Variants in MECOM observed in about 807,000 individuals in gnomAD.
The protein encoded by MECOM is histone-lysine N-methyltransferase MECOM.
Under a neutral mutation model 116.3 loss-of-function variants are expected in MECOM, and 13 were observed. That is an observed-to-expected ratio of 0.11 (90% confidence interval 0.07 to 0.18). MECOM has a LOEUF of 0.18. Ranked by LOEUF, MECOM falls within the 10% of genes least tolerant of loss-of-function variation. MECOM has a pLI of 1.00. For synonymous variants in MECOM, 528 were observed against 535.2 expected (o/e 0.99, Z 0.19); for missense variants, 1,299 against 1,509.0 (o/e 0.86, Z 2.31).
intron 1 of MECOM, among the ~76,000 whole-genome samples, chr3:169,647,879 T>A (rs1774376853): frequency 6.6e-6 from 1 of 152,142 alleles, no homozygotes; most frequent in South Asian, 2.1e-4. Flanking sequence ...ACCATACTGA[T>A]GAGTAGCAAA....
intron 2 of MECOM, among the ~76,000 whole-genome samples, chr3:169,362,540 G>C (rs1235106002): frequency 6.6e-6 from 1 of 151,868 alleles, no homozygotes; most frequent in Non-Finnish European, 1.5e-5. Context: ...CACATGAATG[G>C]CCAGATTGTT....
At chr3:169,485,086 C>G (rs1030609126) in intron 1 of MECOM, among the ~76,000 whole-genome samples, 1 of 152,118 alleles carries the variant, frequency 6.6e-6, no homozygotes, top group African/African-American at 2.4e-5. Context: ...CCTCCACCCC[C>G]TGGGTTCAAG....
At chr3:169,431,728 T>G (rs1741670186) in intron 1 of MECOM, among the ~76,000 whole-genome samples, 1 of 152,210 alleles carries the variant, frequency 6.6e-6, no homozygotes, top group African/African-American at 2.4e-5. Flanking sequence ...GATTTTTAGA[T>G]TCTCCTGTTT....
intron 3 of MECOM, among the ~76,000 whole-genome samples, chr3:169,141,273 C>T (rs766040800): frequency 6.6e-6 from 1 of 151,896 alleles, no homozygotes; most frequent in South Asian, 2.1e-4. Context: ...AAACTTTATC[C>T]GTATCTAAAA....
chr3:169,133,264 GA>G (rs1479723224), intron 3 of MECOM: 2 of 152,092 alleles, frequency 1.3e-5, no homozygotes, highest in East Asian at 3.8e-4. Flanking sequence ...TGCATAAGTT[GA>G]TGTCTTATAA....
At chr3:169,123,572 T>C (rs1188392536) in intron 5 of MECOM, among the ~76,000 whole-genome samples, 2 of 152,026 alleles carry the variant, frequency 1.3e-5, no homozygotes, top group Non-Finnish European at 2.9e-5. Flanking sequence ...TTATAGATAA[T>C]GGATTATGTG....
At chr3:169,623,843 GTCT>G (rs1296759112) in intron 1 of MECOM, 4 of 151,326 alleles carry the variant, frequency 2.6e-5, no homozygotes, top group Non-Finnish European at 5.9e-5. Context: ...AGACACACTG[GTCT>G]TCTTCTGATC....
At chr3:169,315,936 G>C (rs1719668246) in intron 2 of MECOM, among the ~76,000 whole-genome samples, 1 of 152,076 alleles carries the variant, frequency 6.6e-6, no homozygotes, top group African/African-American at 2.4e-5. Context: ...AGTCAAATAT[G>C]AGCCTAAATA....
intron 2 of MECOM, among the ~76,000 whole-genome samples, chr3:169,201,948 C>T (rs1053281103): frequency 6.6e-6 from 1 of 151,982 alleles, no homozygotes; most frequent in African/African-American, 2.4e-5. Context: ...GTGTATTCTC[C>T]CAAGAAAGAA....
intron 2 of MECOM, among the ~76,000 whole-genome samples, chr3:169,304,454 A>C (rs1480687385): frequency 6.6e-6 from 1 of 152,186 alleles, no homozygotes; most frequent in Non-Finnish European, 1.5e-5. Flanking sequence ...ATAAAAATAT[A>C]AATTTAATTT....
At chr3:169,147,908 G>A (rs1462036219) in intron 2 of MECOM, among the ~76,000 whole-genome samples, 2 of 151,834 alleles carry the variant, frequency 1.3e-5, no homozygotes, top group African/African-American at 4.8e-5. Context: ...AAAGCTTAGG[G>A]TATAGGGACG....
chr3:169,506,428 A>C (rs565232042), intron 1 of MECOM, among the ~76,000 whole-genome samples: 3 of 151,234 alleles, frequency 2.0e-5, no homozygotes, highest in Non-Finnish European at 4.4e-5. Flanking sequence ...TCTTGACTTC[A>C]TCATTCTTGG....
intron 2 of MECOM, among the ~76,000 whole-genome samples, chr3:169,260,528 G>A (rs1398335367): frequency 3.3e-5 from 5 of 150,986 alleles, no homozygotes; most frequent in Non-Finnish European, 5.9e-5. Context: ...TTAAATCTGC[G>A]AAAAGTAAGC....
intron 5 of MECOM, among the ~76,000 whole-genome samples, chr3:169,125,394 A>G (rs1732493788): frequency 6.6e-6 from 1 of 152,084 alleles, no homozygotes; most frequent in African/African-American, 2.4e-5. Flanking sequence ...TATATATTCT[A>G]CTATGCTATA....
At chr3:169,493,685 A>G (rs1009111484) in intron 1 of MECOM, among the ~76,000 whole-genome samples, 1 of 152,182 alleles carries the variant, frequency 6.6e-6, no homozygotes, top group East Asian at 1.9e-4. Flanking sequence ...GACTCTGCAT[A>G]TAATGCTGTG....
At chr3:169,146,917 G>A in intron 2 of MECOM, 1 of 1,026,512 alleles carries the variant, frequency 9.7e-7, no homozygotes, top group Non-Finnish European at 1.2e-6. Context: ...TTCCAAATGG[G>A]TCTCTGACAA....
chr3:169,418,705 G>A (rs1386870908), intron 1 of MECOM, among the ~76,000 whole-genome samples: 2 of 151,946 alleles, frequency 1.3e-5, no homozygotes, highest in African/African-American at 4.8e-5. Context: ...ACCCCTTCAC[G>A]ATAAAAACAC....
chr3:169,464,340 A>G (rs1003798299), intron 1 of MECOM, among the ~76,000 whole-genome samples: 4 of 152,196 alleles, frequency 2.6e-5, no homozygotes, highest in East Asian at 1.9e-4. Flanking sequence ...AATGTAAAAC[A>G]TATCTCTGTG....
At chr3:169,274,924 T>C (rs1759403140) in intron 2 of MECOM, among the ~76,000 whole-genome samples, 2 of 152,080 alleles carry the variant, frequency 1.3e-5, no homozygotes, top group Admixed American at 6.6e-5. Context: ...AAGGCATCAC[T>C]CCATAAAAGT....
Sources: allele counts gnomAD v4.1 joint callset (sites outside exome capture counted in the v4.1 genomes callset), GRCh38; gene constraint gnomAD v4.1.1; transcripts MANE v1.5; gene names NCBI Gene and HGNC (gene_info 2026-07-23, HGNC 2026-07-21).